The following KHDRBS2 variants were observed in gnomAD, a reference collection of about 807,000 sequenced individuals.
KHDRBS2 encodes the protein KH RNA binding domain containing, signal transduction associated 2.
KHDRBS2 carries 26 observed loss-of-function variants against 44.3 expected under a neutral mutation model. That is an observed-to-expected ratio of 0.59 (90% CI 0.43 to 0.81). The LOEUF (loss-of-function observed/expected upper bound fraction) is 0.81, where lower values mean the gene tolerates loss of function less well. Among genes scored for constraint, KHDRBS2 ranks in the 40% least tolerant of loss-of-function variants. The pLI is 0.00. For missense variants in KHDRBS2, 476 were observed against 433.1 expected (o/e 1.10, Z -0.88); for synonymous variants, 194 against 151.1 (o/e 1.28, Z -2.08).
the KHDRBS2 span, among the ~76,000 whole-genome samples, chr6:61,650,971 C>A: frequency 1.3e-5 from 2 of 152,084 alleles, no homozygotes; most frequent in African/African-American, 4.8e-5. Flanking sequence ...TTCCTTCTTA[C>A]TATTTCCAAT....
At chr6:61,655,520 G>A in the KHDRBS2 span, among the ~76,000 whole-genome samples, 2 of 152,048 alleles carry the variant, frequency 1.3e-5, no homozygotes, top group Middle Eastern at 3.2e-3. Flanking sequence ...CTCCCAAAGT[G>A]TTGGGATTAC....
At chr6:61,635,037 T>C in the KHDRBS2 span, among the ~76,000 whole-genome samples, 4 of 152,070 alleles carry the variant, frequency 2.6e-5, no homozygotes. Flanking sequence ...AAAATCAAAA[T>C]TCCTGTGCTT....
At chr6:61,570,601 C>T in the KHDRBS2 span, among the ~76,000 whole-genome samples, 1 of 152,180 alleles carries the variant, frequency 6.6e-6, no homozygotes, top group South Asian at 2.1e-4. Flanking sequence ...AAAAAATCAT[C>T]ACCCAGGCAC....
At chr6:62,035,061 C>A (rs1785034203) in intron 3 of KHDRBS2, among the ~76,000 whole-genome samples, 1 of 151,918 alleles carries the variant, frequency 6.6e-6, no homozygotes, top group African/African-American at 2.4e-5. Flanking sequence ...TTAGTACAAC[C>A]ATTATGTATA....
chr6:61,558,165 GT>G, the KHDRBS2 span, among the ~76,000 whole-genome samples: 1 of 151,570 alleles, frequency 6.6e-6, no homozygotes, highest in African/African-American at 2.4e-5. Context: ...TTCTTCTTCT[GT>G]TTTTGGGTGT....
intron 6 of KHDRBS2, among the ~76,000 whole-genome samples, chr6:61,797,736 T>C (rs1239569920): frequency 6.8e-6 from 1 of 147,870 alleles, no homozygotes; most frequent in African/African-American, 2.5e-5. Context: ...TGTGTGTGTG[T>C]GTGTGTGTGT....
the KHDRBS2 span, among the ~76,000 whole-genome samples, chr6:61,663,239 A>C: frequency 2.3e-5 from 2 of 86,968 alleles, no homozygotes; most frequent in African/African-American, 4.7e-5. Flanking sequence ...ATCACACACC[A>C]GGGCCTGTTG....
intron 1 of KHDRBS2, among the ~76,000 whole-genome samples, chr6:62,257,270 A>G (rs140243204): frequency 6.6e-6 from 1 of 152,108 alleles, no homozygotes; most frequent in Non-Finnish European, 1.5e-5. Flanking sequence ...CCTATCATCA[A>G]CTCTATTAGT....
At chr6:62,069,971 C>T (rs1341795056) in intron 2 of KHDRBS2, among the ~76,000 whole-genome samples, 1 of 151,698 alleles carries the variant, frequency 6.6e-6, no homozygotes, top group African/African-American at 2.4e-5. Context: ...TCATTCCTTT[C>T]TATTCCTAGG....
chr6:61,867,974 G>C (rs1798027770), intron 6 of KHDRBS2, among the ~76,000 whole-genome samples: 1 of 152,204 alleles, frequency 6.6e-6, no homozygotes, highest in South Asian at 2.1e-4. Flanking sequence ...CTGAGTTCTA[G>C]TAGAGCAGCT....
At chr6:61,644,730 A>G in the KHDRBS2 span, among the ~76,000 whole-genome samples, 2 of 152,190 alleles carry the variant, frequency 1.3e-5, no homozygotes, top group East Asian at 1.9e-4. Flanking sequence ...TAATCATTAG[A>G]GAAGTGCAAA....
downstream of KHDRBS2, among the ~76,000 whole-genome samples, chr6:61,677,734 TTC>T (rs1332785297): frequency 6.6e-6 from 1 of 151,898 alleles, no homozygotes; most frequent in Non-Finnish European, 1.5e-5. Context: ...GCTTTGCCTT[TTC>T]TCTGTGTACT....
At chr6:62,140,455 T>C (rs941379956) in intron 2 of KHDRBS2, among the ~76,000 whole-genome samples, 6 of 152,186 alleles carry the variant, frequency 3.9e-5, no homozygotes, top group South Asian at 2.1e-4. Context: ...GTAGTGAACA[T>C]GGAAATAAAT....
chr6:62,072,935 C>A (rs562758276), intron 2 of KHDRBS2, among the ~76,000 whole-genome samples: 14 of 152,150 alleles, frequency 9.2e-5, no homozygotes, highest in African/African-American at 2.6e-4. Context: ...CCCCCTTGTA[C>A]CTCTGGTAGA....
chr6:61,673,111 C>G, the KHDRBS2 span, among the ~76,000 whole-genome samples: 2 of 151,902 alleles, frequency 1.3e-5, no homozygotes, highest in South Asian at 4.2e-4. Context: ...GGAATCCTTC[C>G]CCCATTGCTT....
rs1382445048 is a variant in KHDRBS2, at chr6:61,721,764, C to T, written c.893+10918G>A. 1.3e-3 allele frequency among the ~76,000 whole-genome samples: 129 copies of T among 100,400 alleles called. 11 individuals carry two copies. The highest frequency in any genetic ancestry group is 4.3e-3 in the African/African-American group (123 of 28,322). The allele number at this position is 100,400 out of a possible 152,430, so 65.9% of individuals were successfully genotyped here. On this transcript the variant is annotated intron_variant, in intron 7 of 8. Coordinates refer to ENST00000281156, the MANE Select transcript of KHDRBS2 (RefSeq NM_152688.4). ...ACTTCCTCTTTTCCTAATTGAATAC[C>T]TTTTATTTCCTTCTCCTGCCTAATT...
chr6:61,975,260 G>A (rs892628859), intron 4 of KHDRBS2, among the ~76,000 whole-genome samples: 4 of 152,076 alleles, frequency 2.6e-5, no homozygotes, highest in African/African-American at 7.2e-5. Flanking sequence ...AATCCCTTTC[G>A]CAGAAGAACA....
intron 4 of KHDRBS2, among the ~76,000 whole-genome samples, chr6:61,929,227 A>G (rs1433090277): frequency 2.6e-5 from 4 of 152,190 alleles, no homozygotes; most frequent in African/African-American, 4.8e-5. Context: ...GGGTTGTGTA[A>G]TCTTTTAATT....
intron 6 of KHDRBS2, among the ~76,000 whole-genome samples, chr6:61,838,389 T>C (rs1419461522): frequency 2.0e-5 from 3 of 152,002 alleles, no homozygotes; most frequent in African/African-American, 7.2e-5. Flanking sequence ...CTGAGCCATA[T>C]CAAAATGAAG....
Sources: allele counts gnomAD v4.1 joint callset (sites outside exome capture counted in the v4.1 genomes callset), GRCh38; gene constraint gnomAD v4.1.1; transcripts MANE v1.5; gene names NCBI Gene and HGNC (gene_info 2026-07-23, HGNC 2026-07-21).